Variants in TMEM38B observed in about 807,000 individuals in gnomAD.
TMEM38B encodes trimeric intracellular cation channel type B.
In TMEM38B, 24 loss-of-function variants were observed where a neutral mutation model predicts 28.7. The ratio of observed to expected loss-of-function variants is 0.84; its 90% confidence interval spans 0.61 to 1.18. The LOEUF (loss-of-function observed/expected upper bound fraction) is 1.18. Ranked by LOEUF, TMEM38B falls within the 50% of genes most tolerant of loss-of-function variation. The pLI is 0.00. For missense variants in TMEM38B, 380 were observed against 350.9 expected (o/e 1.08, Z -0.66); for synonymous variants, 131 against 127.7 (o/e 1.03, Z -0.17).
chr9:105,706,097 C>A (rs182044022), intron 2 of TMEM38B, among the ~76,000 whole-genome samples: 5 of 152,084 alleles, frequency 3.3e-5, no homozygotes, highest in Non-Finnish European at 7.4e-5. Flanking sequence ...CGGGGTTTCA[C>A]CATGTTGGCC....
chr9:105,720,588 C>T (rs1235060563), intron 2 of TMEM38B, among the ~76,000 whole-genome samples: 1 of 152,006 alleles, frequency 6.6e-6, no homozygotes, highest in East Asian at 1.9e-4. Context: ...TATTTAGTCG[C>T]TGAAGCAGTA....
chr9:105,726,032 A>G (rs1240404944), intron 4 of TMEM38B, among the ~76,000 whole-genome samples: 3 of 152,282 alleles, frequency 2.0e-5, no homozygotes, highest in Admixed American at 2.0e-4. Context: ...GTACATATTT[A>G]TGGGGTACAT....
intron 5 of TMEM38B, among the ~76,000 whole-genome samples, chr9:105,767,718 A>G (rs776641653): frequency 6.6e-6 from 1 of 152,150 alleles, no homozygotes; most frequent in East Asian, 1.9e-4. Flanking sequence ...TAGTTTTTCA[A>G]ATTTCAATTT....
At chr9:105,726,774 GTATA>G (rs1408666750) in intron 4 of TMEM38B, among the ~76,000 whole-genome samples, 1 of 151,968 alleles carries the variant, frequency 6.6e-6, no homozygotes. Flanking sequence ...AAATATATGA[GTATA>G]TATAAATTGT....
At chr9:105,750,975 C>T (rs773592488) in intron 5 of TMEM38B, among the ~76,000 whole-genome samples, 1 of 152,174 alleles carries the variant, frequency 6.6e-6, no homozygotes, top group Non-Finnish European at 1.5e-5. Flanking sequence ...TCTAGATTCT[C>T]AATTTTATTC....
chr9:105,765,288 G>A (rs1236270301), intron 5 of TMEM38B, among the ~76,000 whole-genome samples: 7 of 152,132 alleles, frequency 4.6e-5, no homozygotes, highest in Non-Finnish European at 8.8e-5. Flanking sequence ...GAAATCATTA[G>A]AAATGAGCTC....
Position 105,770,140 on chromosome 9 carries a change from C to T in TMEM38B, c.661-3725C>T, listed in dbSNP as rs565755195. On this transcript the variant is annotated intron_variant, in intron 5 of 5. Coordinates refer to ENST00000374692, the MANE Select transcript of TMEM38B (RefSeq NM_018112.3). ...ATTGAATAAGATGTATTATTGAACA[C>T]ATGAATGAGGGACACTGTTCTTAGG... is the stretch of plus-strand genomic sequence containing the variant. Among the ~76,000 whole-genome samples, 27 of 152,080 alleles carry T rather than the reference C, an allele frequency of 1.8e-4. No individual in the cohort carries two copies. In the South Asian group the frequency reaches 5.4e-3, roughly 30 times the overall value.
At chr9:105,743,475 AAGAT>A (rs1162902804) in intron 4 of TMEM38B, among the ~76,000 whole-genome samples, 3 of 152,284 alleles carry the variant, frequency 2.0e-5, no homozygotes, top group African/African-American at 2.4e-5. Context: ...TTTTACTTGT[AAGAT>A]AGAGAGTTAG....
rs891970788 is a variant in TMEM38B, at chr9:105,723,593, C to T, written c.542+972C>T. Among the ~76,000 whole-genome samples, 25 of 152,098 alleles carry T rather than the reference C, an allele frequency of 1.6e-4. 1 individual carries two copies. In the East Asian group the frequency reaches 2.3e-3, roughly 14 times the overall value. Reference sequence around the variant, plus strand: ...TTTTTGTAGAGACAGGGTCTCATCTCAGTATGTTGCCTTGGCTGGTCTTGA... The same window carrying T: ...TTTTTGTAGAGACAGGGTCTCATCTTAGTATGTTGCCTTGGCTGGTCTTGA... On this transcript the variant is annotated intron_variant, in intron 4 of 5. Coordinates refer to ENST00000374692, the MANE Select transcript of TMEM38B (RefSeq NM_018112.3).
intron 1 of TMEM38B, among the ~76,000 whole-genome samples, chr9:105,700,664 G>C (rs1489715096): frequency 6.6e-6 from 1 of 152,066 alleles, no homozygotes; most frequent in Non-Finnish European, 1.5e-5. Flanking sequence ...TTAAATCCTG[G>C]AATAAAGTTT....
In TMEM38B at chr9:105,694,775, G is replaced by A; in HGVS notation, c.112+3G>A. 1 of 1,611,268 alleles carries A rather than the reference G, an allele frequency of 6.2e-7. No homozygotes were observed. Among genetic ancestry groups the A allele is most frequent in the Non-Finnish European group, 8.5e-7 (1 of 1,178,770 alleles). ...GATGGCGGTGAAACGTCAGCCGGGT[G>A]AGTGCGGGGCGCCGCGGGCCGGACC... On this transcript the variant is annotated splice_donor_region_variant and intron_variant, in intron 1 of 5. Coordinates refer to ENST00000374692, the MANE Select transcript of TMEM38B (RefSeq NM_018112.3).
chr9:105,758,264 A>C (rs1837905436), intron 5 of TMEM38B: 6 of 671,712 alleles, frequency 8.9e-6, no homozygotes, highest in Non-Finnish European at 1.6e-5. Context: ...CAGTGTGGAC[A>C]CTGAGGCTCA....
In TMEM38B at chr9:105,776,101, A is replaced by C. The variant is rs1826712444; in HGVS notation, c.*2021A>C. 1 of 152,082 alleles carries C rather than the reference A, an allele frequency of 6.6e-6. No individual in the cohort carries two copies. The highest frequency in any genetic ancestry group is 2.4e-5 in the African/African-American group (1 of 41,414). The allele number at this position is 152,082 out of a possible 1,614,324, so 9.4% of individuals were successfully genotyped here. ...TGCAAAGCAGATTGTTAGACTCCTTACCCAATGTGAAGTGTGAATAAGGCC... is the reference window on the plus strand; with the variant it reads ...TGCAAAGCAGATTGTTAGACTCCTTCCCCAATGTGAAGTGTGAATAAGGCC... On this transcript the variant is annotated 3_prime_UTR_variant, in exon 6 of 6. Coordinates refer to ENST00000374692, the MANE Select transcript of TMEM38B (RefSeq NM_018112.3).
intron 5 of TMEM38B, among the ~76,000 whole-genome samples, chr9:105,757,801 A>G (rs1486013376): frequency 1.3e-5 from 2 of 152,196 alleles, no homozygotes; most frequent in East Asian, 3.8e-4. Flanking sequence ...TAGAAAAATG[A>G]TTGTAATCAA....
intron 2 of TMEM38B, chr9:105,710,703 T>C: frequency 1.5e-6 from 1 of 663,160 alleles, no homozygotes; most frequent in South Asian, 1.4e-5. Context: ...ATTCACACCG[T>C]AAATCTTCAG....
chr9:105,774,938 A>G lies in TMEM38B; in HGVS notation c.*858A>G, dbSNP rs1044083573. The stretch of plus-strand genomic sequence containing the variant: ...AGGAGAAATTTTCTCAGCATTTTGC[A>G]TGTTCTTTCTAATCTTTGTTGGTCT... On this transcript the variant is annotated 3_prime_UTR_variant, in exon 6 of 6. Coordinates refer to ENST00000374692, the MANE Select transcript of TMEM38B (RefSeq NM_018112.3). 10 of 152,002 alleles carry G rather than the reference A, an allele frequency of 6.6e-5. No individual in the cohort carries two copies. The highest frequency in any genetic ancestry group is 2.2e-4 in the African/African-American group (9 of 41,414). The allele number at this position is 152,002 out of a possible 1,614,324, so 9.4% of individuals were successfully genotyped here. A position where few individuals can be genotyped will look rare whatever the true frequency, so the allele number is the denominator to read the frequency against.
chr9:105,696,705 A>G (rs546044473), intron 1 of TMEM38B, among the ~76,000 whole-genome samples: 2 of 152,328 alleles, frequency 1.3e-5, no homozygotes, highest in African/African-American at 2.4e-5. Flanking sequence ...GGTGGCCCCA[A>G]GGAGATGGTG....
intron 2 of TMEM38B, among the ~76,000 whole-genome samples, chr9:105,719,955 C>A (rs1196010839): frequency 1.3e-5 from 2 of 151,940 alleles, no homozygotes; most frequent in African/African-American, 4.8e-5. Flanking sequence ...TCCCCCATTA[C>A]CTAACCAACT....
intron 2 of TMEM38B, 67 bp downstream of exon 2, chr9:105,705,820 A>G (rs1215102058): frequency 1.3e-6 from 2 of 1,502,704 alleles, no homozygotes; most frequent in Non-Finnish European, 1.8e-6. Context: ...TAGTAAAATG[A>G]ATTTTTTTTT....
Sources: allele counts gnomAD v4.1 joint callset (sites outside exome capture counted in the v4.1 genomes callset), GRCh38; gene constraint gnomAD v4.1.1; transcripts MANE v1.5; gene names NCBI Gene and HGNC (gene_info 2026-07-23, HGNC 2026-07-21).